The following MOXD1 variants were observed in gnomAD, a reference collection of about 807,000 sequenced individuals.
MOXD1 encodes monooxygenase DBH like 1.
A neutral mutation model predicts 66.6 loss-of-function variants in MOXD1; 62 were observed. That is an observed-to-expected ratio of 0.93 (90% CI 0.76 to 1.15). The LOEUF (loss-of-function observed/expected upper bound fraction) is 1.15, where lower values mean the gene tolerates loss of function less well. Among genes scored for constraint, MOXD1 ranks in the 50% most tolerant of loss-of-function variants. The pLI, the probability that MOXD1 is intolerant of heterozygous loss-of-function variation, is 0.00. For missense variants in MOXD1, 847 were observed against 754.6 expected (o/e 1.12, Z -1.44); for synonymous variants, 303 against 281.9 (o/e 1.07, Z -0.75).
chr6:132,365,986 T>C (rs73546078), intron 4 of MOXD1, among the ~76,000 whole-genome samples: 4,125 of 152,220 alleles, frequency 0.027, 207 homozygotes, highest in African/African-American at 0.095. Flanking sequence ...TCCATAAACA[T>C]TGTAACACAA....
chr6:132,377,971 T>TA, intron 1 of MOXD1, among the ~76,000 whole-genome samples: 4 of 151,996 alleles, frequency 2.6e-5, no homozygotes, highest in Admixed American at 2.6e-4. Context: ...CTACTAAAAA[T>TA]ACAAAAACTA....
intron 4 of MOXD1, among the ~76,000 whole-genome samples, chr6:132,331,124 T>A (rs1187809837): frequency 6.6e-6 from 1 of 152,230 alleles, no homozygotes; most frequent in African/African-American, 2.4e-5. Context: ...CCAGAATTTC[T>A]ATAAGAATTT....
At chr6:132,391,660 CTTTAT>C (rs71674009) in intron 1 of MOXD1, 15,092 of 151,924 alleles carry the variant, frequency 0.099, 1,233 homozygotes, top group East Asian at 0.42. Context: ...TCACCAGTAA[CTTTAT>C]TTTAATATGG....
intron 1 of MOXD1, among the ~76,000 whole-genome samples, chr6:132,395,120 T>C (rs1339797286): frequency 6.6e-6 from 1 of 152,198 alleles, no homozygotes; most frequent in South Asian, 2.1e-4. Context: ...AGAAACCTTA[T>C]AGACTAGGAA....
At chr6:132,317,439 A>T (rs1774984125) in intron 9 of MOXD1, among the ~76,000 whole-genome samples, 1 of 152,170 alleles carries the variant, frequency 6.6e-6, no homozygotes, top group Non-Finnish European at 1.5e-5. Flanking sequence ...ACCAAATTGT[A>T]GAAGGAAAGC....
intron 4 of MOXD1, among the ~76,000 whole-genome samples, chr6:132,347,449 G>A (rs973279253): frequency 6.6e-6 from 1 of 152,198 alleles, no homozygotes; most frequent in African/African-American, 2.4e-5. Context: ...GGCCGAGGCA[G>A]ACAGATCACT....
chr6:132,352,962 T>C lies in MOXD1; in HGVS notation c.663+19646A>G, dbSNP rs150119775. On this transcript the variant is annotated intron_variant, in intron 4 of 11. Coordinates refer to ENST00000367963, the MANE Select transcript of MOXD1 (RefSeq NM_015529.4). ...TGTCTGATGTAAGAATAGCTACCCC[T>C]GCTTGCTTTTGACGTCCATTTGCAT... Among the ~76,000 whole-genome samples, 321 of 152,318 alleles carry C rather than the reference T, an allele frequency of 2.1e-3. 1 individual carries two copies. Among genetic ancestry groups the C allele is most frequent in the African/African-American group, 7.2e-3 (301 of 41,582 alleles).
intron 4 of MOXD1, among the ~76,000 whole-genome samples, chr6:132,330,487 G>A (rs1290088731): frequency 6.6e-6 from 1 of 152,206 alleles, no homozygotes. Flanking sequence ...TGGAAAAACT[G>A]TCTTCCATGA....
chr6:132,360,111 T>A (rs763873414), intron 4 of MOXD1, among the ~76,000 whole-genome samples: 28 of 152,346 alleles, frequency 1.8e-4, no homozygotes, highest in Non-Finnish European at 3.8e-4. Flanking sequence ...CAAGTGGAGC[T>A]TCCTCAGGGA....
rs982731702 is a variant in MOXD1, at chr6:132,324,200, G to C, written c.947-103C>G. ...TTTTTTAAAGTTTTCATATTCTGTTGAAATAGGTTTATTTATTTTCCATAA... is the reference window on the plus strand; with the variant it reads ...TTTTTTAAAGTTTTCATATTCTGTTCAAATAGGTTTATTTATTTTCCATAA... On this transcript the variant is annotated intron_variant, in intron 6 of 11. Transcript: ENST00000367963. 17 of 1,165,066 alleles carry C rather than the reference G, an allele frequency of 1.5e-5. No homozygotes were observed. In the African/African-American group the frequency reaches 2.5e-4, roughly 17 times the overall value. 72.2% of individuals were successfully genotyped at this position (1,165,066 alleles called of 1,614,324 possible).
At chr6:132,383,514 AC>A (rs1776552340) in intron 1 of MOXD1, among the ~76,000 whole-genome samples, 1 of 152,180 alleles carries the variant, frequency 6.6e-6, no homozygotes, top group African/African-American at 2.4e-5. Context: ...CACCTGAGCA[AC>A]CTGTTTGTTC....
chr6:132,341,307 C>T (rs74740340), intron 4 of MOXD1, among the ~76,000 whole-genome samples: 1,780 of 152,294 alleles, frequency 0.012, 41 homozygotes, highest in African/African-American at 0.04. Context: ...ATAGCTTTCA[C>T]CAGACAGCAG....
intron 4 of MOXD1, among the ~76,000 whole-genome samples, chr6:132,346,053 G>A (rs778540535): frequency 2.6e-5 from 4 of 151,030 alleles, no homozygotes; most frequent in South Asian, 2.1e-4. Flanking sequence ...TTGTGTTGTT[G>A]TTGTGGGGGA....
chr6:132,396,644 GA>G (rs1186733011), intron 1 of MOXD1, among the ~76,000 whole-genome samples: 1 of 151,254 alleles, frequency 6.6e-6, no homozygotes, highest in African/African-American at 2.4e-5. Context: ...GAATAACCAA[GA>G]AAAAAAGAGA....
At chr6:132,303,702 T>TACACACAC (rs1392220169) in intron 10 of MOXD1, among the ~76,000 whole-genome samples, 1,800 of 72,162 alleles carry the variant, frequency 0.025, 70 homozygotes, top group African/African-American at 0.19. Flanking sequence ...GGGCTGACTG[T>TACACACAC]ATACATACAC....
At chr6:132,375,854 G>T (rs188798436) in intron 1 of MOXD1, among the ~76,000 whole-genome samples, 1 of 152,156 alleles carries the variant, frequency 6.6e-6, no homozygotes. Context: ...AACTCTGAAA[G>T]CTTAAGTTTT....
At chr6:132,338,815 G>A (rs982447830) in intron 4 of MOXD1, among the ~76,000 whole-genome samples, 1 of 152,120 alleles carries the variant, frequency 6.6e-6, no homozygotes, top group African/African-American at 2.4e-5. Flanking sequence ...TAGTGATAAT[G>A]AGGCTTACTT....
intron 1 of MOXD1, among the ~76,000 whole-genome samples, chr6:132,376,504 T>A (rs111950992): frequency 1.9e-5 from 1 of 51,436 alleles, no homozygotes; most frequent in South Asian, 7.4e-4. Context: ...ACAGCTTCTT[T>A]TTTTTTTTTT....
intron 10 of MOXD1, among the ~76,000 whole-genome samples, chr6:132,310,296 T>C (rs753844809): frequency 2.6e-5 from 4 of 152,188 alleles, no homozygotes; most frequent in Non-Finnish European, 5.9e-5. Context: ...CACAAAGAGA[T>C]ACCATCTCAT....
Sources: allele counts gnomAD v4.1 joint callset (sites outside exome capture counted in the v4.1 genomes callset), GRCh38; gene constraint gnomAD v4.1.1; transcripts MANE v1.5; gene names NCBI Gene and HGNC (gene_info 2026-07-23, HGNC 2026-07-21).